Variants in PRKAR1A observed in about 807,000 individuals in gnomAD.
PRKAR1A encodes the protein cAMP-dependent protein kinase type I-alpha regulatory subunit.
A neutral mutation model predicts 52.0 loss-of-function variants in PRKAR1A; 3 were observed. The observed-to-expected ratio is 0.06, with a 90% confidence interval of 0.03 to 0.15. The LOEUF (loss-of-function observed/expected upper bound fraction) is 0.15, where lower values mean the gene tolerates loss of function less well. Among genes scored for constraint, PRKAR1A ranks in the 10% least tolerant of loss-of-function variants. PRKAR1A has a pLI of 1.00. For missense variants in PRKAR1A, 240 were observed against 477.4 expected (o/e 0.50, Z 4.63); for synonymous variants, 188 against 168.4 (o/e 1.12, Z -0.90).
intron 11 of PRKAR1A, chr17:68,540,032 T>A: frequency 7.1e-7 from 1 of 1,414,018 alleles, no homozygotes; most frequent in Non-Finnish European, 1.0e-6. Context: ...CTGACCTGAG[T>A]TCTCTCCAGG....
chr17:68,530,797 T>C lies in PRKAR1A; in HGVS notation c.*348T>C. 9.2e-7 allele frequency: 1 copy of C among 1,084,604 alleles called. No homozygotes were observed. Among genetic ancestry groups the C allele is most frequent in the Middle Eastern group, 4.0e-4 (1 of 2,514 alleles). The allele number at this position is 1,084,604 out of a possible 1,614,324, so 67.2% of individuals were successfully genotyped here. ...AGAGTAATGATGTAACAGTGCAAGA[T>C]TTTTTTTTTAAGTGACATAATTGTC... On this transcript the variant is annotated 3_prime_UTR_variant, in exon 11 of 11. Coordinates refer to ENST00000589228, the MANE Select transcript of PRKAR1A (RefSeq NM_002734.5).
Position 68,523,804 on chromosome 17 carries a change from A to G in PRKAR1A, c.428A>G (p.Asp143Gly), listed in dbSNP as rs1296031514. 6.2e-7 allele frequency: 1 copy of G among 1,613,776 alleles called. No homozygotes were observed. Among genetic ancestry groups the G allele is most frequent in the Admixed American group, 1.7e-5 (1 of 60,026 alleles). ...EKNVLFSHLD[D>G]NERSDIFDAM... The stretch of plus-strand genomic sequence containing the variant: ...AATGTGCTGTTTTCACATCTTGATG[A>G]TAATGAGAGAAGGTAGGAACAGGCT... The change falls in exon 4 of 11, where the codon GAT (aspartate) becomes GGT (glycine). Residue 143 changes from aspartate (D) to glycine (G), a missense_variant. By Grantham distance (94) the Asp-to-Gly change is moderately conservative (BLOSUM62 -1). Around this residue, in one of 4 missense-constraint regions of PRKAR1A, gnomAD observed 107 missense variants for 290.9 expected, o/e 0.37. Coordinates refer to ENST00000589228, the MANE Select transcript of PRKAR1A (RefSeq NM_002734.5).
At chr17:68,417,860 A>G in the PRKAR1A span, among the ~76,000 whole-genome samples, 1 of 140,738 alleles carries the variant, frequency 7.1e-6, no homozygotes, top group African/African-American at 2.7e-5. Context: ...CCTCCCAGGT[A>G]GCCGGGATTA....
At chr17:68,491,930 G>A in the PRKAR1A span, among the ~76,000 whole-genome samples, 2 of 152,230 alleles carry the variant, frequency 1.3e-5, no homozygotes, top group African/African-American at 4.8e-5. Flanking sequence ...AAGTCATAAG[G>A]AGCTGGCAGA....
chr17:68,415,967 C>T, the PRKAR1A span, among the ~76,000 whole-genome samples: 2 of 152,118 alleles, frequency 1.3e-5, no homozygotes, highest in African/African-American at 4.8e-5. Flanking sequence ...CTTATCCATT[C>T]TGCTGTTTTG....
At chr17:68,428,886 TA>T in the PRKAR1A span, 4 of 1,614,018 alleles carry the variant, frequency 2.5e-6, no homozygotes, top group African/African-American at 5.3e-5. Context: ...ATTGTACATA[TA>T]AAGGTGTCCA....
At chr17:68,421,824 C>T in the PRKAR1A span, 2 of 1,614,162 alleles carry the variant, frequency 1.2e-6, no homozygotes, top group Non-Finnish European at 1.7e-6. Context: ...AGATTATCTA[C>T]CAAAATCAAA....
chr17:68,539,318 C>G (rs2086190876), intron 11 of PRKAR1A: 1 of 1,613,778 alleles, frequency 6.2e-7, no homozygotes, highest in South Asian at 1.1e-5. Flanking sequence ...CCCGTATTAT[C>G]TGCTGCAGGA....
chr17:68,470,161 C>A, the PRKAR1A span, among the ~76,000 whole-genome samples: 5 of 151,710 alleles, frequency 3.3e-5, no homozygotes, highest in Non-Finnish European at 5.9e-5. Context: ...CGGCTCACTG[C>A]AACCTCCATC....
the PRKAR1A span, among the ~76,000 whole-genome samples, chr17:68,496,518 A>C: frequency 6.6e-6 from 1 of 152,162 alleles, no homozygotes; most frequent in African/African-American, 2.4e-5. Flanking sequence ...AGTAACCTTA[A>C]ATTCATCTAC....
At chr17:68,537,678 A>G (rs2086133169), downstream of PRKAR1A, 1 of 1,613,700 alleles carries the variant, frequency 6.2e-7, no homozygotes, top group South Asian at 1.1e-5. The surrounding 1 kb of genome is among the most constrained non-coding windows in gnomAD (Gnocchi z 4.2). Context: ...CTCGCATCAC[A>G]TCGCTGAGTC....
At chr17:68,417,483 C>T in the PRKAR1A span, among the ~76,000 whole-genome samples, 7 of 151,998 alleles carry the variant, frequency 4.6e-5, no homozygotes, top group Non-Finnish European at 7.4e-5. Flanking sequence ...TGGGGGGTGG[C>T]GCTTGATAAC....
the PRKAR1A span, among the ~76,000 whole-genome samples, chr17:68,454,122 G>A: frequency 6.6e-6 from 1 of 152,194 alleles, no homozygotes; most frequent in Non-Finnish European, 1.5e-5. Context: ...AAGACAGGAC[G>A]TGAATCCAGA....
rs761000810 is a variant in PRKAR1A, at chr17:68,530,554, G to A, written c.*105G>A. ...GCAGCGCCAAGTGGCCACTGGCATC[G>A]CAGCTTCCTGTCTGTTTATATATTG... On this transcript the variant is annotated 3_prime_UTR_variant, in exon 11 of 11. Transcript: ENST00000589228. 8.1e-6 allele frequency: 13 copies of A among 1,598,930 alleles called. No homozygotes were observed. The highest frequency in any genetic ancestry group is 1.7e-5 in the Admixed American group (1 of 57,700).
chr17:68,537,072 A>G (rs1271226840), downstream of PRKAR1A: 2 of 459,138 alleles, frequency 4.4e-6, no homozygotes, highest in African/African-American at 4.0e-5. The surrounding 1 kb of genome is among the most constrained non-coding windows in gnomAD (Gnocchi z 4.2). Context: ...TGTCTGGACC[A>G]GGAGTTATCT....
At chr17:68,426,253 G>C in the PRKAR1A span, 1 of 841,018 alleles carries the variant, frequency 1.2e-6, no homozygotes, top group South Asian at 1.3e-5. Context: ...GGGGAGCGGG[G>C]GCTCAAATAA....
the PRKAR1A span, among the ~76,000 whole-genome samples, chr17:68,481,482 A>G: frequency 6.6e-6 from 1 of 152,208 alleles, no homozygotes; most frequent in African/African-American, 2.4e-5. Context: ...TCTTATAAGA[A>G]GCACACAGCC....
the PRKAR1A span, among the ~76,000 whole-genome samples, chr17:68,423,683 A>G: frequency 6.6e-6 from 1 of 152,236 alleles, no homozygotes; most frequent in African/African-American, 2.4e-5. The surrounding 1 kb of genome is among the most constrained non-coding windows in gnomAD (Gnocchi z 4.4). Flanking sequence ...ATGGGCACAC[A>G]GGCCTCAGGA....
At chr17:68,416,503 A>T in the PRKAR1A span, among the ~76,000 whole-genome samples, 1 of 151,976 alleles carries the variant, frequency 6.6e-6, no homozygotes, top group Non-Finnish European at 1.5e-5. Context: ...TTGTATTTGG[A>T]TGTCTAGGTT....
Sources: gnomAD v4.1 joint callset for allele counts (sites outside exome capture counted in the v4.1 genomes callset) on GRCh38, gnomAD v4.1.1 for gene constraint, gnomAD v4.1.1 regional missense constraint, Gnocchi (gnomAD v3.1) non-coding constraint, MANE v1.5 for transcripts, NCBI Gene and HGNC (gene_info 2026-07-23, HGNC 2026-07-21) for gene names.